TFDP2: variants seen among roughly 807,000 people sequenced by gnomAD.
The protein encoded by TFDP2 is transcription factor Dp-2 (E2F dimerization partner 2).
TFDP2 carries 17 observed loss-of-function variants against 59.3 expected under a neutral mutation model. The observed-to-expected ratio is 0.29, with a 90% CI of 0.20 to 0.43. The LOEUF is 0.43. TFDP2 is among the 20% of genes least tolerant of loss of function. The probability of loss-of-function intolerance (pLI) is 1.00; values close to 1 mark genes in which losing one functional copy is unlikely to be tolerated. For synonymous variants in TFDP2, 180 were observed against 194.7 expected, an observed-to-expected ratio of 0.92 and a Z score of 0.63; for missense variants, 391 against 528.8, an observed-to-expected ratio of 0.74 and a Z score of 2.56.
intron 1 of TFDP2, among the ~76,000 whole-genome samples, chr3:142,114,250 G>C (rs750404351): frequency 3.3e-5 from 5 of 151,674 alleles, no homozygotes; most frequent in Non-Finnish European, 7.4e-5. Context: ...TCACAGAGAA[G>C]CAAAATGTAT....
intron 3 of TFDP2, among the ~76,000 whole-genome samples, chr3:142,036,353 A>G (rs1305148919): frequency 6.6e-6 from 1 of 152,100 alleles, no homozygotes; most frequent in Non-Finnish European, 1.5e-5. Context: ...ATCCTCCAAA[A>G]CCCATAGAAA....
chr3:142,024,211 CA>C (rs1945887679), intron 3 of TFDP2, among the ~76,000 whole-genome samples: 1 of 152,142 alleles, frequency 6.6e-6, no homozygotes, highest in African/African-American at 2.4e-5. Context: ...CAAGAGTTGC[CA>C]AATTTTCACT....
At chr3:142,094,554 C>T (rs570384225) in intron 2 of TFDP2, among the ~76,000 whole-genome samples, 2 of 152,038 alleles carry the variant, frequency 1.3e-5, no homozygotes, top group African/African-American at 4.8e-5. Context: ...ATCTGCCCAC[C>T]GTAGCTTCCC....
At chr3:142,002,484 C>G (rs966997405) in intron 4 of TFDP2, among the ~76,000 whole-genome samples, 2 of 151,950 alleles carry the variant, frequency 1.3e-5, no homozygotes, top group African/African-American at 2.4e-5. Context: ...ACAAGGATGG[C>G]TTTTCCTCCA....
chr3:141,987,938 C>CAA (rs373394427), intron 6 of TFDP2, among the ~76,000 whole-genome samples: 7 of 129,598 alleles, frequency 5.4e-5, no homozygotes, highest in South Asian at 2.5e-4. Context: ...GACCCTGCCT[C>CAA]AAAAAAAAAA....
chr3:142,069,992 G>A (rs907265659), intron 3 of TFDP2, among the ~76,000 whole-genome samples: 5 of 151,182 alleles, frequency 3.3e-5, no homozygotes, highest in Middle Eastern at 3.4e-3. Flanking sequence ...TGCAACCTCC[G>A]TTTCCCAAAT....
At chr3:142,094,221 T>C (rs1013805927) in intron 2 of TFDP2, among the ~76,000 whole-genome samples, 1 of 152,178 alleles carries the variant, frequency 6.6e-6, no homozygotes, top group Admixed American at 6.5e-5. Flanking sequence ...GCATTGAAGA[T>C]TTGTAACCTT....
At chr3:142,030,148 G>A (rs1262986634) in intron 3 of TFDP2, among the ~76,000 whole-genome samples, 1 of 152,112 alleles carries the variant, frequency 6.6e-6, no homozygotes, top group Non-Finnish European at 1.5e-5. Flanking sequence ...ATTTTCCTTT[G>A]CCAACACATA....
intron 1 of TFDP2, among the ~76,000 whole-genome samples, chr3:142,128,594 A>G (rs1240628735): frequency 1.3e-5 from 2 of 152,146 alleles, no homozygotes; most frequent in African/African-American, 4.8e-5. Context: ...AAAATCTCTA[A>G]CATGAAATAA....
chr3:141,999,184 G>A (rs953879571), intron 4 of TFDP2, among the ~76,000 whole-genome samples: 2 of 152,084 alleles, frequency 1.3e-5, no homozygotes, highest in Non-Finnish European at 2.9e-5. Flanking sequence ...TGAAGACGTC[G>A]AGGATGAAGA....
At chr3:142,009,728 GAAAGAA>G (rs138856903) in intron 3 of TFDP2, among the ~76,000 whole-genome samples, 5 of 146,758 alleles carry the variant, frequency 3.4e-5, no homozygotes, top group Non-Finnish European at 4.5e-5. Context: ...AAAAAAAAAA[GAAAGAA>G]AAAGAAAAAG....
intron 2 of TFDP2, 131 bp downstream of exon 2, chr3:142,101,604 C>G (rs1014179933): frequency 3.5e-5 from 20 of 568,180 alleles, no homozygotes; most frequent in Middle Eastern, 3.7e-4. Flanking sequence ...TCTGCATAAA[C>G]ATAAACAAAT....
intron 8 of TFDP2, 47 bp downstream of exon 8, chr3:141,974,001 T>C (rs771303063): frequency 5.8e-6 from 9 of 1,560,416 alleles, no homozygotes; most frequent in Non-Finnish European, 7.8e-6. Flanking sequence ...ATGCCTGTGA[T>C]GTAAAATAAT....
At chr3:141,957,173 C>T (rs929745215) in intron 11 of TFDP2, among the ~76,000 whole-genome samples, 26 of 152,142 alleles carry the variant, frequency 1.7e-4, no homozygotes, top group Admixed American at 7.2e-4. Context: ...CAAAACTAAC[C>T]GGGCATAGCG....
intron 1 of TFDP2, among the ~76,000 whole-genome samples, chr3:142,106,910 T>C (rs1478197522): frequency 2.0e-5 from 3 of 152,170 alleles, no homozygotes; most frequent in African/African-American, 7.2e-5. Flanking sequence ...CACAAAGTTA[T>C]GGATAAATTT....
At chr3:142,001,569 G>T (rs899759964) in intron 4 of TFDP2, among the ~76,000 whole-genome samples, 7 of 152,160 alleles carry the variant, frequency 4.6e-5, no homozygotes, top group Non-Finnish European at 2.9e-5. Flanking sequence ...CTTATCAAAA[G>T]GTGACTAGGC....
chr3:142,135,546 C>G (rs1325796710), intron 1 of TFDP2, among the ~76,000 whole-genome samples: 1 of 151,944 alleles, frequency 6.6e-6, no homozygotes, highest in Non-Finnish European at 1.5e-5. Flanking sequence ...CTAATGCTAT[C>G]CCTCCCCCAG....
At chr3:141,961,854 C>T (rs1272240556) in intron 10 of TFDP2, among the ~76,000 whole-genome samples, 1 of 152,186 alleles carries the variant, frequency 6.6e-6, no homozygotes, top group Non-Finnish European at 1.5e-5. Context: ...AGGGGGACCG[C>T]TTGAGCCCAG....
intron 8 of TFDP2, among the ~76,000 whole-genome samples, chr3:141,973,764 G>C (rs914681008): frequency 1.3e-5 from 2 of 149,532 alleles, no homozygotes; most frequent in Non-Finnish European, 3.0e-5. Context: ...TATTAGTAGA[G>C]TGCTCAGAAT....
Sources: gnomAD v4.1 joint callset for allele counts (sites outside exome capture counted in the v4.1 genomes callset) on GRCh38, gnomAD v4.1.1 for gene constraint, MANE v1.5 for transcripts, NCBI Gene and HGNC (gene_info 2026-07-23, HGNC 2026-07-21) for gene names.